Variants in GDA observed in about 807,000 individuals in gnomAD.
GDA encodes guanine deaminase.
Under a neutral mutation model 59.6 loss-of-function variants are expected in GDA, and 18 were observed. The ratio of observed to expected loss-of-function variants is 0.30; its 90% CI spans 0.21 to 0.45. The LOEUF is 0.45. GDA is among the 20% of genes least tolerant of loss of function. The pLI is 1.00. For synonymous variants in GDA, 201 were observed against 201.1 expected, an observed-to-expected ratio of 1.00 and a Z score of 0.00; for missense variants, 427 against 552.3, an observed-to-expected ratio of 0.77 and a Z score of 2.27.
At chr9:72,147,342 G>C (rs1826678592), upstream of GDA, among the ~76,000 whole-genome samples, 1 of 152,160 alleles carries the variant, frequency 6.6e-6, no homozygotes, top group African/African-American at 2.4e-5. Context: ...TGAGTAGCTG[G>C]GACTACAGGC....
chr9:72,229,344 C>G (rs1838045935), intron 9 of GDA, among the ~76,000 whole-genome samples: 2 of 151,938 alleles, frequency 1.3e-5, no homozygotes, highest in Admixed American at 1.3e-4. Flanking sequence ...GAGCAAGACT[C>G]CATCTCAAAA....
intron 2 of GDA, among the ~76,000 whole-genome samples, chr9:72,196,092 G>A (rs12551201): frequency 0.015 from 2,285 of 152,140 alleles, 117 homozygotes; most frequent in Admixed American, 0.11. Context: ...CACTTGAGCT[G>A]TGATATTATA....
Position 72,250,428 on chromosome 9 carries a change from T to C in GDA, c.*2086T>C, listed in dbSNP as rs1840570492. 1 of 1,213,242 alleles carries C rather than the reference T, an allele frequency of 8.2e-7. No individual in the cohort carries two copies. The highest frequency in any genetic ancestry group is 1.6e-5 in the African/African-American group (1 of 63,630). The allele number at this position is 1,213,242 out of a possible 1,614,324, so 75.2% of individuals were successfully genotyped here. A position where few individuals can be genotyped will look rare whatever the true frequency, so the allele number is the denominator to read the frequency against. Reference sequence around the variant, plus strand: ...CCGTATACAACCATCCTGTTAAACATTTAAATTTAGCTCTGATAGTGTGTT... The same window carrying C: ...CCGTATACAACCATCCTGTTAAACACTTAAATTTAGCTCTGATAGTGTGTT... On this transcript the variant is annotated 3_prime_UTR_variant, in exon 14 of 14. Transcript: ENST00000358399.
chr9:72,201,792 G>C (rs1834034359), intron 2 of GDA, among the ~76,000 whole-genome samples: 1 of 152,162 alleles, frequency 6.6e-6, no homozygotes, highest in Non-Finnish European at 1.5e-5. Flanking sequence ...CCTCAATTCT[G>C]TGGGTAGTGC....
chr9:72,254,418 A>C (rs1455576691), downstream of GDA, among the ~76,000 whole-genome samples: 3 of 152,126 alleles, frequency 2.0e-5, no homozygotes, highest in Non-Finnish European at 2.9e-5. Context: ...AGTAAAAAAT[A>C]AATGTTTTCT....
intron 1 of GDA, among the ~76,000 whole-genome samples, chr9:72,189,888 G>A (rs927600805): frequency 3.9e-5 from 6 of 152,158 alleles, no homozygotes; most frequent in African/African-American, 9.7e-5. Flanking sequence ...ACTTGAAAAG[G>A]ACATGAGTTT....
upstream of GDA, among the ~76,000 whole-genome samples, chr9:72,147,773 G>C (rs1199649752): frequency 6.6e-6 from 1 of 152,166 alleles, no homozygotes; most frequent in Non-Finnish European, 1.5e-5. Flanking sequence ...AGGTTTTTGT[G>C]TATACAAGGG....
At chr9:72,242,591 T>C (rs1397359754) in intron 11 of GDA, among the ~76,000 whole-genome samples, 1 of 152,204 alleles carries the variant, frequency 6.6e-6, no homozygotes, top group Admixed American at 6.5e-5. Context: ...GAAGAGAAAC[T>C]TCTCAGATGT....
In GDA at chr9:72,225,658, T is replaced by C. The variant is rs1310499917; in HGVS notation, c.715-19T>C. 8 of 1,122,716 alleles carry C rather than the reference T, an allele frequency of 7.1e-6. No homozygotes were observed. The highest frequency in any genetic ancestry group is 2.0e-4 in the Middle Eastern group (1 of 4,992). 69.5% of individuals were successfully genotyped at this position (1,122,716 alleles called of 1,614,324 possible). A position where few individuals can be genotyped will look rare whatever the true frequency, so the allele number is the denominator to read the frequency against. ...GTATTTTACAGAAGAAAAATGAAAA[T>C]ATTATTTTTTTCTTGTAGAGCCATA... On this transcript the variant is annotated intron_variant, in intron 7 of 13. Transcript: ENST00000358399.
At chr9:72,184,294 A>T (rs772590562) in intron 1 of GDA, among the ~76,000 whole-genome samples, 2 of 152,196 alleles carry the variant, frequency 1.3e-5, no homozygotes, top group African/African-American at 2.4e-5. Flanking sequence ...TTGTATAATG[A>T]TGTATTGACC....
intron 9 of GDA, among the ~76,000 whole-genome samples, chr9:72,229,823 GCTTTAGGGACCC>G (rs1239973606): frequency 6.6e-6 from 1 of 152,172 alleles, no homozygotes; most frequent in Non-Finnish European, 1.5e-5. Flanking sequence ...TTTCTGGAGT[GCTTTAGGGACCC>G]CAGAGGTTCT....
chr9:72,148,427 G>A (rs980608373), upstream of GDA, among the ~76,000 whole-genome samples: 1 of 152,036 alleles, frequency 6.6e-6, no homozygotes, highest in Non-Finnish European at 1.5e-5. Flanking sequence ...TGCAATGGCA[G>A]AAACAAGATG....
Position 72,154,553 on chromosome 9 carries a change from A to G in GDA, c.123+4871A>G, listed in dbSNP as rs547470265. On this transcript the variant is annotated intron_variant, in intron 1 of 13. Coordinates refer to ENST00000358399, the MANE Select transcript of GDA (RefSeq NM_004293.5). ...CCTTAGCTTTTTATTCTCACTGCTTATGTCATTGATCCCCTGGGACCCAAA... is the reference window on the plus strand; with the variant it reads ...CCTTAGCTTTTTATTCTCACTGCTTGTGTCATTGATCCCCTGGGACCCAAA... Among the ~76,000 whole-genome samples, 7 of 152,304 alleles carry G rather than the reference A, an allele frequency of 4.6e-5. No homozygotes were observed. In the East Asian group the frequency reaches 1.4e-3, roughly 29 times the overall value.
intron 1 of GDA, among the ~76,000 whole-genome samples, chr9:72,166,429 T>A (rs1390239923): frequency 1.6e-4 from 4 of 24,578 alleles, no homozygotes; most frequent in African/African-American, 3.2e-4. Flanking sequence ...GGGGTGGGGG[T>A]GGGGGAATGA....
intron 5 of GDA, among the ~76,000 whole-genome samples, chr9:72,218,829 CG>C (rs1445141320): frequency 6.6e-5 from 10 of 152,156 alleles, no homozygotes; most frequent in African/African-American, 1.2e-4. Flanking sequence ...CTCTAACAAC[CG>C]TAGAGCATAA....
chr9:72,217,862 C>A (rs1055165904), intron 5 of GDA, among the ~76,000 whole-genome samples: 7 of 151,836 alleles, frequency 4.6e-5, no homozygotes, highest in African/African-American at 1.7e-4. Context: ...TCTATAGTAC[C>A]TTAAGGATTT....
chr9:72,140,813 G>A (rs1461522290), intron 1 of GDA, among the ~76,000 whole-genome samples: 2 of 152,116 alleles, frequency 1.3e-5, no homozygotes, highest in South Asian at 2.1e-4. Flanking sequence ...CTGAATCCAT[G>A]TAGTCTGTAG....
chr9:72,149,491 A>G lies in GDA; in HGVS notation c.-69A>G. On this transcript the variant is annotated 5_prime_UTR_variant, in exon 1 of 14. Transcript: ENST00000358399. ...CCGGCAGCCGCCCGCAGCTGCAGAG[A>G]GTCCCGCTGCGTCTCCGCCGCGTGC... 6.4e-7 allele frequency: 1 copy of G among 1,569,432 alleles called. No individual in the cohort carries two copies. Among genetic ancestry groups the G allele is most frequent in the South Asian group, 1.1e-5 (1 of 88,652 alleles).
rs185823155 is a variant in GDA at position 72,217,365 on chromosome 9, G to A, written c.579-2114G>A. ...AGTAGTGCTTCTCTTGATGCTTCTA[G>A]CATTCTTCCCCTCACTTTTCTCCCT... On this transcript the variant is annotated intron_variant, in intron 5 of 13. Coordinates refer to ENST00000358399, the MANE Select transcript of GDA (RefSeq NM_004293.5). Among the ~76,000 whole-genome samples the A allele has an allele frequency of 7.2e-5, 11 of 152,224 alleles. No individual in the cohort carries two copies. The East Asian group carries it at 2.1e-3, about 29-fold the overall frequency.
Sources: gnomAD v4.1 joint callset for allele counts (sites outside exome capture counted in the v4.1 genomes callset) on GRCh38, gnomAD v4.1.1 for gene constraint, MANE v1.5 for transcripts, NCBI Gene and HGNC (gene_info 2026-07-23, HGNC 2026-07-21) for gene names.